The following IQUB variants were observed in gnomAD, a reference collection of about 807,000 sequenced individuals.
IQUB encodes the protein IQ motif and ubiquitin domain containing.
Under a neutral mutation model 86.4 loss-of-function variants are expected in IQUB, and 86 were observed. The observed-to-expected ratio is 1.00, with a 90% confidence interval of 0.84 to 1.19. The LOEUF is 1.19. Ranked by LOEUF, IQUB falls within the 50% of genes most tolerant of loss-of-function variation. The probability of loss-of-function intolerance (pLI) is 0.00; values close to 1 mark genes in which losing one functional copy is unlikely to be tolerated. For missense variants in IQUB, 946 were observed against 916.9 expected, an observed-to-expected ratio of 1.03 and a Z score of -0.41; for synonymous variants, 289 against 304.5, an observed-to-expected ratio of 0.95 and a Z score of 0.53.
chr7:123,480,860 T>C (rs1794972609), intron 7 of IQUB, among the ~76,000 whole-genome samples: 1 of 152,162 alleles, frequency 6.6e-6, no homozygotes, highest in East Asian at 1.9e-4. Context: ...ATTTATGATA[T>C]TTTAAAGCCC....
chr7:123,490,287 TATC>T (rs1262748731), intron 7 of IQUB, among the ~76,000 whole-genome samples: 1 of 151,916 alleles, frequency 6.6e-6, no homozygotes, highest in African/African-American at 2.4e-5. Context: ...CAGCAAAAAA[TATC>T]ATAAGGAATA....
intron 3 of IQUB, among the ~76,000 whole-genome samples, chr7:123,508,571 C>T (rs1431508068): frequency 1.3e-5 from 2 of 152,074 alleles, no homozygotes; most frequent in African/African-American, 4.8e-5. Context: ...AGCCTGTTAC[C>T]CAGTGGTGAT....
chr7:123,465,951 T>C (rs1016727551), intron 9 of IQUB, among the ~76,000 whole-genome samples: 1 of 152,102 alleles, frequency 6.6e-6, no homozygotes, highest in Non-Finnish European at 1.5e-5. Flanking sequence ...GATTCTAATA[T>C]GTACTGAGGT....
intron 1 of IQUB, among the ~76,000 whole-genome samples, chr7:123,519,897 CAATA>C (rs1436691317): frequency 6.6e-6 from 1 of 152,140 alleles, no homozygotes; most frequent in African/African-American, 2.4e-5. Context: ...CACAGTTGCT[CAATA>C]AATATGTACA....
chr7:123,477,631 A>G (rs921488658), intron 8 of IQUB, among the ~76,000 whole-genome samples: 1 of 152,200 alleles, frequency 6.6e-6, no homozygotes, highest in African/African-American at 2.4e-5. Context: ...CAGCAAAAGA[A>G]ACTACCATCA....
At chr7:123,507,800 G>A (rs548788317) in intron 3 of IQUB, among the ~76,000 whole-genome samples, 78 of 151,680 alleles carry the variant, frequency 5.1e-4, no homozygotes, top group African/African-American at 1.8e-3. Flanking sequence ...TTGAACCTGG[G>A]AGGCGGAGGT....
intron 1 of IQUB, among the ~76,000 whole-genome samples, chr7:123,513,798 G>T (rs1033723078): frequency 1.8e-4 from 28 of 152,100 alleles, no homozygotes; most frequent in Admixed American, 1.0e-3. Context: ...ACAGGTATGT[G>T]CTACCACACT....
chr7:123,467,116 A>T (rs974391092), intron 9 of IQUB, among the ~76,000 whole-genome samples: 1 of 149,944 alleles, frequency 6.7e-6, no homozygotes, highest in African/African-American at 2.5e-5. Flanking sequence ...GATAAATTAA[A>T]TAAAATAATA....
intron 11 of IQUB, among the ~76,000 whole-genome samples, chr7:123,459,287 C>T (rs767809712): frequency 2.0e-5 from 3 of 151,900 alleles, no homozygotes; most frequent in South Asian, 2.1e-4. Context: ...ATGATGCCAC[C>T]GGATACCCAG....
chr7:123,503,761 A>T (rs1017949452), intron 3 of IQUB, among the ~76,000 whole-genome samples: 1 of 151,898 alleles, frequency 6.6e-6, no homozygotes, highest in African/African-American at 2.4e-5. Flanking sequence ...ATAGGAACAC[A>T]TATCGTTTAA....
chr7:123,513,592 T>C (rs1361152690), intron 1 of IQUB, among the ~76,000 whole-genome samples: 1 of 152,142 alleles, frequency 6.6e-6, no homozygotes, highest in African/African-American at 2.4e-5. Flanking sequence ...CTAACATATG[T>C]CAAAATGGAG....
At chr7:123,506,389 A>G (rs1796177381) in intron 3 of IQUB, among the ~76,000 whole-genome samples, 1 of 152,190 alleles carries the variant, frequency 6.6e-6, no homozygotes, top group Non-Finnish European at 1.5e-5. Flanking sequence ...CCGTTCTCAC[A>G]TTGCTATAAA....
chr7:123,477,291 C>T (rs575148113), intron 8 of IQUB, among the ~76,000 whole-genome samples: 13 of 152,132 alleles, frequency 8.5e-5, no homozygotes, highest in Non-Finnish European at 1.5e-4. Flanking sequence ...ACGACACATC[C>T]ACAACTATCT....
At chr7:123,474,623 A>T (rs1456285703) in intron 8 of IQUB, among the ~76,000 whole-genome samples, 1 of 152,228 alleles carries the variant, frequency 6.6e-6, no homozygotes, top group African/African-American at 2.4e-5. Flanking sequence ...AATTCACTAT[A>T]GCAGGCTAAA....
chr7:123,516,166 A>C (rs1796627795), intron 1 of IQUB, among the ~76,000 whole-genome samples: 1 of 152,216 alleles, frequency 6.6e-6, no homozygotes, highest in African/African-American at 2.4e-5. Flanking sequence ...GACTCAAGGA[A>C]TTTCAATAAC....
intron 6 of IQUB, among the ~76,000 whole-genome samples, chr7:123,498,321 G>C (rs931641835): frequency 6.6e-6 from 1 of 151,980 alleles, no homozygotes; most frequent in Non-Finnish European, 1.5e-5. Context: ...GAGCCCTCCA[G>C]ATGATGCTTA....
chr7:123,522,131 C>T (rs1439071394), intron 1 of IQUB, among the ~76,000 whole-genome samples: 1 of 152,114 alleles, frequency 6.6e-6, no homozygotes, highest in Admixed American at 6.5e-5. Context: ...TCTGTTTGCA[C>T]CGAGAAACTG....
At chr7:123,483,164 G>A (rs775216011) in intron 7 of IQUB, among the ~76,000 whole-genome samples, 31 of 152,016 alleles carry the variant, frequency 2.0e-4, no homozygotes, top group Non-Finnish European at 4.1e-4. Flanking sequence ...CAGGATGCTC[G>A]TGGATTCCTC....
chr7:123,511,965 C>T lies in IQUB; in HGVS notation c.376G>A (p.Val126Met), dbSNP rs10255061. ...GTACCTGTTGCTAGAGAATCTTCCA[C>T]TGATTCTTGCAAAGATTCCTTTACA... ...KSVKESLQESVEDSLATVKVV... is the reference protein window; with the variant it reads ...KSVKESLQESMEDSLATVKVV... Residue 126 changes from valine (V) to methionine (M), a missense_variant, in exon 2 of 13, where the codon GTG (valine) becomes ATG (methionine). By Grantham distance (21) the Val-to-Met change is conservative (BLOSUM62 1). Coordinates refer to ENST00000324698, the MANE Select transcript of IQUB (RefSeq NM_178827.5). 431,766 of 1,586,196 alleles carry T rather than the reference C, an allele frequency of 0.27. 60,772 individuals carry two copies. The highest frequency in any genetic ancestry group is 0.32 in the East Asian group (14,454 of 44,642).
Sources: allele counts gnomAD v4.1 joint callset (sites outside exome capture counted in the v4.1 genomes callset), GRCh38; gene constraint gnomAD v4.1.1; transcripts MANE v1.5; gene names NCBI Gene and HGNC (gene_info 2026-07-23, HGNC 2026-07-21).